The following RBFOX1 variants were observed in gnomAD, a reference collection of about 807,000 sequenced individuals.
RBFOX1 encodes the protein RNA binding protein fox-1 homolog 1.
A neutral mutation model predicts 57.7 loss-of-function variants in RBFOX1; 8 were observed. The observed-to-expected ratio is 0.14, with a 90% CI of 0.08 to 0.25. The LOEUF (loss-of-function observed/expected upper bound fraction) is 0.25. Ranked by LOEUF, RBFOX1 falls within the 10% of genes least tolerant of loss-of-function variation. The pLI, the probability that RBFOX1 is intolerant of heterozygous loss-of-function variation, is 1.00. For synonymous variants in RBFOX1, 326 were observed against 222.4 expected, an observed-to-expected ratio of 1.47 and a Z score of -4.15; for missense variants, 611 against 548.5, an observed-to-expected ratio of 1.11 and a Z score of -1.14.
intron 3 of RBFOX1, among the ~76,000 whole-genome samples, chr16:7,007,255 C>T (rs1255787111): frequency 1.3e-5 from 2 of 152,162 alleles, no homozygotes; most frequent in African/African-American, 4.8e-5. Context: ...GAGCTTTTTA[C>T]GTCCTTTTGT....
At chr16:6,884,068 G>A (rs540898023) in intron 3 of RBFOX1, among the ~76,000 whole-genome samples, 10 of 152,284 alleles carry the variant, frequency 6.6e-5, no homozygotes, top group African/African-American at 2.4e-4. Context: ...CTGCAGAGCG[G>A]TGGCTGCTGT....
At chr16:6,998,699 G>C (rs541342240) in intron 3 of RBFOX1, among the ~76,000 whole-genome samples, 1 of 152,168 alleles carries the variant, frequency 6.6e-6, no homozygotes, top group East Asian at 1.9e-4. Context: ...AAGGATGTTT[G>C]ATGATGGCTA....
At chr16:7,128,075 G>C (rs1405652749) in intron 4 of RBFOX1, among the ~76,000 whole-genome samples, 1 of 152,070 alleles carries the variant, frequency 6.6e-6, no homozygotes, top group Non-Finnish European at 1.5e-5. Context: ...TCCTTAATGG[G>C]GGCTCAAGTG....
chr16:7,312,547 CA>C (rs572024519), intron 4 of RBFOX1, among the ~76,000 whole-genome samples: 1 of 152,134 alleles, frequency 6.6e-6, no homozygotes, highest in Non-Finnish European at 1.5e-5. Context: ...ACTTGGGTGT[CA>C]CTCCGGGTCT....
chr16:5,834,815 T>TAGAC (rs1392857152), intron 3 of RBFOX1, among the ~76,000 whole-genome samples: 2 of 100,282 alleles, frequency 2.0e-5, no homozygotes, highest in Non-Finnish European at 4.4e-5. Flanking sequence ...GATAGATAGA[T>TAGAC]AGATAGACAG....
intron 6 of RBFOX1, among the ~76,000 whole-genome samples, chr16:7,583,767 G>A (rs561066619): frequency 6.6e-6 from 1 of 152,028 alleles, no homozygotes; most frequent in African/African-American, 2.4e-5. Flanking sequence ...GGTTGCTTGA[G>A]TTCAAGAATT....
intron 3 of RBFOX1, among the ~76,000 whole-genome samples, chr16:6,716,212 T>A (rs1603452511): frequency 6.6e-6 from 1 of 152,236 alleles, no homozygotes; most frequent in East Asian, 1.9e-4. Context: ...TTTACAAAAA[T>A]GATGCAAGAA....
chr16:6,634,596 TAATC>T (rs2098416117), intron 2 of RBFOX1, among the ~76,000 whole-genome samples: 2 of 145,974 alleles, frequency 1.4e-5, no homozygotes, highest in African/African-American at 4.9e-5. Flanking sequence ...TATATAATAT[TAATC>T]TATGTAATAT....
chr16:7,291,370 T>TA (rs2095769480), intron 4 of RBFOX1, among the ~76,000 whole-genome samples: 1 of 152,184 alleles, frequency 6.6e-6, no homozygotes, highest in Admixed American at 6.5e-5. Context: ...TACCTAAGTA[T>TA]AGCTTTTTCC....
chr16:6,691,718 T>G (rs56708859), intron 3 of RBFOX1, among the ~76,000 whole-genome samples: 175 of 152,280 alleles, frequency 1.1e-3, no homozygotes, highest in African/African-American at 4.0e-3. Context: ...GAACCATGGA[T>G]ATGTCACCGC....
intron 3 of RBFOX1, among the ~76,000 whole-genome samples, chr16:6,978,151 C>T (rs1265231800): frequency 3.3e-5 from 5 of 151,698 alleles, no homozygotes; most frequent in Admixed American, 6.6e-5. Context: ...ATGCCCTGGG[C>T]CCCATGGCAT....
At position 6,849,838 on chromosome 16, in the gene RBFOX1, C is replaced by T. The variant is rs774642483; in HGVS notation, c.-16+195188C>T. ...ATCCTCTCTCCCTCTTTTCTTTGTC[C>T]GTTGTGCCTTATTTTTCTTCCTACC... On this transcript the variant is annotated intron_variant, in intron 3 of 15. Coordinates refer to ENST00000550418, the MANE Select transcript of RBFOX1 (RefSeq NM_018723.4). Among the ~76,000 whole-genome samples the T allele has an allele frequency of 4.6e-5, 7 of 152,082 alleles. No homozygotes were observed. In the South Asian group the frequency reaches 6.2e-4, roughly 14 times the overall value.
intron 2 of RBFOX1, among the ~76,000 whole-genome samples, chr16:6,590,424 T>G (rs1272532001): frequency 6.6e-6 from 1 of 152,150 alleles, no homozygotes; most frequent in Non-Finnish European, 1.5e-5. Context: ...TTTTTGTGTG[T>G]GTAGGTGGTA....
intron 1 of RBFOX1, among the ~76,000 whole-genome samples, chr16:5,371,122 A>G (rs1271412209): frequency 6.6e-6 from 1 of 151,744 alleles, no homozygotes; most frequent in African/African-American, 2.4e-5. Context: ...TAATTTTTGT[A>G]TTTTTAGTAG....
chr16:6,298,766 C>T (rs1288678414), intron 1 of RBFOX1, among the ~76,000 whole-genome samples: 1 of 152,166 alleles, frequency 6.6e-6, no homozygotes, highest in Non-Finnish European at 1.5e-5. Context: ...TGAAATTAAA[C>T]AAATTATGGT....
At chr16:6,949,760 C>T (rs1452761337) in intron 3 of RBFOX1, among the ~76,000 whole-genome samples, 2 of 151,974 alleles carry the variant, frequency 1.3e-5, no homozygotes, top group South Asian at 2.1e-4. Context: ...TTTGAAGGGA[C>T]ACAATTCGGT....
At chr16:6,834,793 C>G (rs888951159) in intron 3 of RBFOX1, among the ~76,000 whole-genome samples, 5 of 151,818 alleles carry the variant, frequency 3.3e-5, no homozygotes, top group African/African-American at 1.2e-4. Context: ...CAGAGTCATT[C>G]TTAAATGTTT....
intron 3 of RBFOX1, among the ~76,000 whole-genome samples, chr16:6,862,380 G>A (rs1405825172): frequency 6.6e-6 from 1 of 152,146 alleles, no homozygotes; most frequent in Non-Finnish European, 1.5e-5. Flanking sequence ...AGGCCCCAGA[G>A]CAGGTTCAAT....
intron 4 of RBFOX1, among the ~76,000 whole-genome samples, chr16:7,231,956 A>T (rs990933941): frequency 2.0e-5 from 3 of 152,178 alleles, no homozygotes; most frequent in Non-Finnish European, 4.4e-5. Context: ...GAATGGAATG[A>T]TGACGTATTT....
Sources: allele counts gnomAD v4.1 joint callset (sites outside exome capture counted in the v4.1 genomes callset), GRCh38; gene constraint gnomAD v4.1.1; transcripts MANE v1.5; gene names NCBI Gene and HGNC (gene_info 2026-07-23, HGNC 2026-07-21).